SLC2A14: variants seen among roughly 807,000 people sequenced by gnomAD.
The protein encoded by SLC2A14 is solute carrier family 2 member 14.
In SLC2A14, 13 loss-of-function variants were observed where a neutral mutation model predicts 43.0. The observed-to-expected ratio is 0.30, with a 90% confidence interval of 0.20 to 0.48. The LOEUF (loss-of-function observed/expected upper bound fraction) is 0.48. SLC2A14 is among the 20% of genes least tolerant of loss of function. The pLI, the probability that SLC2A14 is intolerant of heterozygous loss-of-function variation, is 0.99. For missense variants in SLC2A14, 428 were observed against 620.4 expected (o/e 0.69, Z 3.29); for synonymous variants, 190 against 233.8 (o/e 0.81, Z 1.71).
At chr12:7,840,746 G>C (rs1651527650) in intron 2 of SLC2A14, among the ~76,000 whole-genome samples, 1 of 152,176 alleles carries the variant, frequency 6.6e-6, no homozygotes, top group African/African-American at 2.4e-5. Flanking sequence ...TAGGAGCATA[G>C]AGTGGGTTGC....
upstream of SLC2A14, among the ~76,000 whole-genome samples, chr12:7,874,009 T>G (rs1198810271): frequency 6.6e-6 from 1 of 152,114 alleles, no homozygotes; most frequent in Non-Finnish European, 1.5e-5. Flanking sequence ...AATGAGGATA[T>G]CTCAGTCAAC....
intron 2 of SLC2A14, among the ~76,000 whole-genome samples, chr12:7,838,819 A>G: frequency 6.6e-6 from 1 of 152,236 alleles, no homozygotes; most frequent in Non-Finnish European, 1.5e-5. Flanking sequence ...GTAACTTAGA[A>G]TGGAACTGTA....
chr12:7,846,976 G>A (rs1004348983), intron 2 of SLC2A14, among the ~76,000 whole-genome samples: 13 of 151,570 alleles, frequency 8.6e-5, no homozygotes, highest in African/African-American at 3.1e-4. Flanking sequence ...TGTGGCGGCC[G>A]GGCGCAGTGG....
chr12:7,888,812 A>AAAG (rs1555151786), intron 1 of SLC2A14, among the ~76,000 whole-genome samples: 12 of 143,872 alleles, frequency 8.3e-5, no homozygotes, highest in African/African-American at 1.5e-4. Context: ...AAAAAAAAAA[A>AAAG]AAAGAAAAAA....
intron 2 of SLC2A14, among the ~76,000 whole-genome samples, chr12:7,848,818 A>C (rs1472468708): frequency 1.3e-5 from 2 of 151,024 alleles, no homozygotes; most frequent in Non-Finnish European, 2.9e-5. Context: ...GACCTCCCAA[A>C]GTGCTGGGAT....
chr12:7,882,626 C>G (rs1555150484), intron 1 of SLC2A14, among the ~76,000 whole-genome samples: 1 of 152,086 alleles, frequency 6.6e-6, no homozygotes, highest in Non-Finnish European at 1.5e-5. Flanking sequence ...CACTTGAGCT[C>G]AGGGGTTAAA....
At chr12:7,880,400 A>G (rs1292090127) in intron 1 of SLC2A14, among the ~76,000 whole-genome samples, 2 of 150,634 alleles carry the variant, frequency 1.3e-5, no homozygotes, top group Admixed American at 1.3e-4. Context: ...GCTTGAACCC[A>G]GGAGGCGGAG....
At chr12:7,877,582 C>T (rs139850093), upstream of SLC2A14, among the ~76,000 whole-genome samples, 3 of 151,576 alleles carry the variant, frequency 2.0e-5, no homozygotes, top group African/African-American at 7.3e-5. Flanking sequence ...CAGGGCATCA[C>T]GTCCAGCTAA....
chr12:7,869,102 C>T (rs1945087508), intron 2 of SLC2A14, among the ~76,000 whole-genome samples: 1 of 151,354 alleles, frequency 6.6e-6, no homozygotes. Context: ...CGAGATCACA[C>T]CATTGCGCTC....
At chr12:7,882,166 A>G (rs1764598149) in intron 1 of SLC2A14, among the ~76,000 whole-genome samples, 1 of 152,058 alleles carries the variant, frequency 6.6e-6, no homozygotes, top group Non-Finnish European at 1.5e-5. Flanking sequence ...TATGAGCTGT[A>G]ACACTCACCG....
At chr12:7,862,678 A>C (rs1944647078) in intron 2 of SLC2A14, among the ~76,000 whole-genome samples, 1 of 152,072 alleles carries the variant, frequency 6.6e-6, no homozygotes, top group African/African-American at 2.4e-5. Context: ...GAGAACCTTT[A>C]TGTCTAGCTC....
At chr12:7,883,230 A>G (rs1945618968) in intron 1 of SLC2A14, among the ~76,000 whole-genome samples, 1 of 150,660 alleles carries the variant, frequency 6.6e-6, no homozygotes, top group Non-Finnish European at 1.5e-5. Context: ...CCAAAACCAA[A>G]CAAAACCACA....
chr12:7,868,701 C>T (rs997070155), intron 2 of SLC2A14, among the ~76,000 whole-genome samples: 2 of 152,106 alleles, frequency 1.3e-5, no homozygotes, highest in African/African-American at 2.4e-5. Context: ...AGAAAAAATA[C>T]TTGAATAAAA....
intron 2 of SLC2A14, among the ~76,000 whole-genome samples, chr12:7,866,931 T>G (rs1241228987): frequency 6.6e-6 from 1 of 151,776 alleles, no homozygotes; most frequent in African/African-American, 2.4e-5. Context: ...AGATGCCATC[T>G]AGGACTTTCA....
In SLC2A14 at chr12:7,817,918, C is replaced by G. The variant is rs1863619486; in HGVS notation, c.1188G>C (p.Gln396His). 6.2e-7 allele frequency: 1 copy of G among 1,614,168 alleles called. No homozygotes were observed. Among genetic ancestry groups the G allele is most frequent in the Non-Finnish European group, 8.5e-7 (1 of 1,180,042 alleles). The part of the protein sequence containing the change: ...PWFIVAELFS[Q>H]GPRPAAMAVA... ...CTGCCATCGCAGCTGGGCGGGGGCC[C>G]TGGCTGAAGAGTTCGGCCACAATAA... is the stretch of plus-strand genomic sequence containing the variant. Residue 396 changes from glutamine (Q) to histidine (H), a missense_variant, in exon 10 of 11, where the codon CAG (glutamine) becomes CAC (histidine). Physicochemically the swap from Gln to His is conservative, Grantham distance 24. This residue lies in a region of SLC2A14 where 119 missense variants were observed against 188.7 expected (regional missense o/e 0.63). Transcript: ENST00000431042.
intron 2 of SLC2A14, among the ~76,000 whole-genome samples, chr12:7,844,461 C>A (rs1033073816): frequency 4.0e-5 from 6 of 151,792 alleles, no homozygotes; most frequent in Non-Finnish European, 4.4e-5. Context: ...TGTATGAATT[C>A]TTTTCTCTCG....
In SLC2A14 at chr12:7,837,638, C is replaced by CAAAAAAAAAAAAAAAAA. The variant is rs557069415; in HGVS notation, c.19-4841_19-4825dup. 5.5e-4 allele frequency among the ~76,000 whole-genome samples: 29 copies of CAAAAAAAAAAAAAAAAA among 52,874 alleles called. 2 individuals carry two copies. Among genetic ancestry groups the CAAAAAAAAAAAAAAAAA allele is most frequent in the African/African-American group, 2.4e-3 (27 of 11,410 alleles). 34.7% of individuals were successfully genotyped at this position (52,874 alleles called of 152,430 possible). A position where few individuals can be genotyped will look rare whatever the true frequency, so the allele number is the denominator to read the frequency against. On this transcript the variant is annotated intron_variant, in intron 2 of 10. Coordinates refer to ENST00000431042, the MANE Select transcript of SLC2A14 (RefSeq NM_001286234.2). ...GGGCAACAAGAGTGAAACTTCGTCT[C>CAAAAAAAAAAAAAAAAA]AAAAAAAAAAAAAAAAAAGATGGTT...
Position 7,826,700 on chromosome 12 carries a change from G to A in SLC2A14, c.864+795C>T, listed in dbSNP as rs897250229. ...TACAAGGGTTACCTGTCAAATGCTA[G>A]CTTCTGTTTTGCCGCCCTCTTTAAA... On this transcript the variant is annotated intron_variant, in intron 7 of 10. Coordinates refer to ENST00000431042, the MANE Select transcript of SLC2A14 (RefSeq NM_001286234.2). Among the ~76,000 whole-genome samples, 89 of 152,080 alleles carry A rather than the reference G, an allele frequency of 5.9e-4. 1 individual carries two copies. Among genetic ancestry groups the A allele is most frequent in the Middle Eastern group, 6.8e-3 (2 of 294 alleles).
In SLC2A14 at chr12:7,864,701, C is replaced by T. The variant is rs1343331924; in HGVS notation, c.18+5162G>A. Reference sequence around the variant, plus strand: ...CATGCTCACTTGTTTATGTAATGAACGTGGCTGCTTAAATGCTATGACGTT... The same window carrying T: ...CATGCTCACTTGTTTATGTAATGAATGTGGCTGCTTAAATGCTATGACGTT... On this transcript the variant is annotated intron_variant, in intron 2 of 10. Coordinates refer to ENST00000431042, the MANE Select transcript of SLC2A14 (RefSeq NM_001286234.2). Among the ~76,000 whole-genome samples, 12 of 152,212 alleles carry T rather than the reference C, an allele frequency of 7.9e-5. 2 individuals carry two copies. The South Asian group carries it at 1.9e-3, about 24-fold the overall frequency.
Sources: allele counts gnomAD v4.1 joint callset (sites outside exome capture counted in the v4.1 genomes callset), GRCh38; gene constraint gnomAD v4.1.1; regional missense constraint gnomAD v4.1.1; transcripts MANE v1.5; gene names NCBI Gene and HGNC (gene_info 2026-07-23, HGNC 2026-07-21).